NDC80: variants seen among roughly 807,000 people sequenced by gnomAD.
NDC80 encodes the protein NDC80 kinetochore complex component.
In NDC80, 69 loss-of-function variants were observed where a neutral mutation model predicts 89.3. The observed-to-expected ratio is 0.77, with a 90% CI of 0.64 to 0.94. The LOEUF (loss-of-function observed/expected upper bound fraction) is 0.94. Ranked by LOEUF, NDC80 falls within the 40% of genes least tolerant of loss-of-function variation. The probability of loss-of-function intolerance (pLI) is 0.00; values close to 1 mark genes in which losing one functional copy is unlikely to be tolerated. For missense variants in NDC80, 593 were observed against 739.6 expected (o/e 0.80, Z 2.30); for synonymous variants, 243 against 255.6 (o/e 0.95, Z 0.47).
At chr18:2,588,061 T>C (rs1389452491) in intron 8 of NDC80, 138 bp downstream of exon 8, 2 of 629,968 alleles carry the variant, frequency 3.2e-6, no homozygotes, top group Admixed American at 5.5e-5. Context: ...TTTTTATCTT[T>C]GTGGTTTCTT....
At position 2,585,344 on chromosome 18, in the gene NDC80, T is replaced by C. The variant is rs999894599; in HGVS notation, c.669+142T>C. On this transcript the variant is annotated intron_variant, in intron 7 of 16. Transcript: ENST00000261597. The stretch of plus-strand genomic sequence containing the variant: ...GAAAATATCATGTCAAAAATGCATT[T>C]AATACACTTAACCTGCCAAACGTCA... The C allele has an allele frequency of 2.0e-5, 13 of 637,468 alleles. No homozygotes were observed. In the African/African-American group the frequency reaches 2.2e-4, roughly 11 times the overall value. The allele number at this position is 637,468 out of a possible 1,614,324, so 39.5% of individuals were successfully genotyped here.
In NDC80 at chr18:2,585,195, A is replaced by G. The variant is rs570066030; in HGVS notation, c.662A>G (p.His221Arg). 2.7e-5 allele frequency: 43 copies of G among 1,606,236 alleles called. 1 individual carries two copies. The South Asian group carries it at 4.2e-4, about 16-fold the overall frequency. Residue 221 changes from histidine to arginine, a missense_variant, in exon 7 of 17, where the codon CAT becomes CGT. His to Arg is a conservative substitution (Grantham distance 29). Coordinates refer to ENST00000261597, the MANE Select transcript of NDC80 (RefSeq NM_006101.3). ...GAAGAAACTGAAGATGGAATTATGC[A>G]TAATAAGGTACCATGTATTATCATA... ...WGEETEDGIM[H>R]NKLFLDYTIK...
At chr18:2,575,898 T>A (rs1426005944) in intron 3 of NDC80, among the ~76,000 whole-genome samples, 2 of 152,172 alleles carry the variant, frequency 1.3e-5, no homozygotes, top group African/African-American at 4.8e-5. Context: ...GAACTCCACC[T>A]TGGGTGACAG....
At chr18:2,606,106 ATTAT>A (rs1354991533) in intron 13 of NDC80, among the ~76,000 whole-genome samples, 3 of 151,404 alleles carry the variant, frequency 2.0e-5, no homozygotes, top group Non-Finnish European at 4.4e-5. Flanking sequence ...AGAGGCAAAA[ATTAT>A]TTATATATGA....
At chr18:2,578,676 G>A (rs1325897491) in intron 5 of NDC80, among the ~76,000 whole-genome samples, 6 of 152,166 alleles carry the variant, frequency 3.9e-5, no homozygotes, top group Non-Finnish European at 5.9e-5. Flanking sequence ...AAGATGTTTT[G>A]GGAGAGTAGT....
chr18:2,575,769 A>G (rs1305824114), intron 3 of NDC80, among the ~76,000 whole-genome samples: 1 of 152,168 alleles, frequency 6.6e-6, no homozygotes, highest in Non-Finnish European at 1.5e-5. Context: ...TACAAAAAAT[A>G]CAATGATTAG....
In NDC80 at chr18:2,614,583, A is replaced by G. The variant is rs1360801110; in HGVS notation, c.1792-1854A>G. The G allele has an allele frequency of 2.6e-3, 41 of 15,774 alleles. 17 individuals carry two copies. Among genetic ancestry groups the G allele is most frequent in the African/African-American group, 0.018 (37 of 2,036 alleles). 1.0% of individuals were successfully genotyped at this position (15,774 alleles called of 1,614,324 possible). A position where few individuals can be genotyped will look rare whatever the true frequency, so the allele number is the denominator to read the frequency against. On this transcript the variant is annotated intron_variant, in intron 16 of 16. Transcript: ENST00000261597. ...AGGAAGGGAAAGAAAGAAAGAAAGAAAGAAAGAAAGAAAGAAAGAAAGAAA... is the reference window on the plus strand; with the variant it reads ...AGGAAGGGAAAGAAAGAAAGAAAGAGAGAAAGAAAGAAAGAAAGAAAGAAA...
chr18:2,578,967 G>A lies in NDC80; in HGVS notation c.517G>A (p.Gly173Arg). Residue 173 changes from glycine to arginine, a missense_variant, in exon 6 of 17, where the codon GGG (glycine) becomes AGG (arginine). By Grantham distance (125) the Gly-to-Arg change is moderately radical (BLOSUM62 -2). Transcript: ENST00000261597. ...ALSKSSMYTVGAPHTWPHIVA... is the reference protein window; with the variant it reads ...ALSKSSMYTVRAPHTWPHIVA... The stretch of plus-strand genomic sequence containing the variant: ...ATCCAAAAGCTCCATGTACACAGTG[G>A]GGGCTCCTCATACATGGCCTCACAT... 6.4e-7 allele frequency: 1 copy of A among 1,570,822 alleles called. No homozygotes were observed. The highest frequency in any genetic ancestry group is 8.6e-7 in the Non-Finnish European group (1 of 1,158,860).
rs760329283 is a variant in NDC80 at position 2,572,958 on chromosome 18, A to G, written c.-9-19A>G. The stretch of plus-strand genomic sequence containing the variant: ...TCTGTCTGGAAAGTTTTTTTTAAAT[A>G]CTGAATTCGTGAATGTAGGTCATAA... On this transcript the variant is annotated intron_variant, in intron 1 of 16. Transcript: ENST00000261597. 2 of 1,595,416 alleles carry G rather than the reference A, an allele frequency of 1.3e-6. No homozygotes were observed. Among genetic ancestry groups the G allele is most frequent in the Non-Finnish European group, 1.7e-6 (2 of 1,171,046 alleles).
chr18:2,593,829 A>G, intron 10 of NDC80: 1 of 296,632 alleles, frequency 3.4e-6, no homozygotes, highest in Non-Finnish European at 6.7e-6. Flanking sequence ...GTCATTTATA[A>G]TTTCTGTTTG....
intron 14 of NDC80, 56 bp downstream of exon 14, chr18:2,606,563 G>T: frequency 9.0e-7 from 1 of 1,111,354 alleles, no homozygotes; most frequent in Non-Finnish European, 1.3e-6. Flanking sequence ...ATGATTGCTT[G>T]ATGAGTCACA....
chr18:2,596,126 A>G (rs865933961), intron 11 of NDC80, among the ~76,000 whole-genome samples: 2 of 152,168 alleles, frequency 1.3e-5, no homozygotes, highest in Non-Finnish European at 2.9e-5. Context: ...ACCTAGCCCA[A>G]ATTTAGTGTA....
At chr18:2,575,155 T>G in intron 3 of NDC80, 89 bp downstream of exon 3, 4 of 916,304 alleles carry the variant, frequency 4.4e-6, no homozygotes, top group Middle Eastern at 2.2e-4. Flanking sequence ...GATGACATGG[T>G]TCCTTTCGAG....
At chr18:2,573,648 T>C (rs2072531455) in intron 2 of NDC80, among the ~76,000 whole-genome samples, 1 of 152,228 alleles carries the variant, frequency 6.6e-6, no homozygotes, top group African/African-American at 2.4e-5. Flanking sequence ...ATTGTAGAGC[T>C]GTATAATTCT....
intron 16 of NDC80, among the ~76,000 whole-genome samples, chr18:2,611,644 C>G (rs1441779424): frequency 1.3e-5 from 2 of 152,082 alleles, no homozygotes; most frequent in Non-Finnish European, 2.9e-5. Context: ...CTAAAGTTCA[C>G]CAATAAAACT....
chr18:2,577,843 C>G lies in NDC80; in HGVS notation c.277C>G (p.Gln93Glu). The stretch of plus-strand genomic sequence containing the variant: ...ACCACTTAATGACAAAGCATTCATT[C>G]AGCAGTGTATTCGACAACTCTGTGA... ...PRPLNDKAFIQQCIRQLCEFL... is the reference protein window; with the variant it reads ...PRPLNDKAFIEQCIRQLCEFL... Residue 93 changes from glutamine to glutamate, a missense_variant, in exon 4 of 17, where the codon CAG becomes GAG. By Grantham distance (29) the Gln-to-Glu change is conservative. Coordinates refer to ENST00000261597, the MANE Select transcript of NDC80 (RefSeq NM_006101.3). 3 of 1,614,064 alleles carry G rather than the reference C, an allele frequency of 1.9e-6. No homozygotes were observed. Among genetic ancestry groups the G allele is most frequent in the Non-Finnish European group, 2.5e-6 (3 of 1,179,974 alleles).
chr18:2,585,065 G>C lies in NDC80; in HGVS notation c.580-48G>C, dbSNP rs1306590190. 8 of 1,458,424 alleles carry C rather than the reference G, an allele frequency of 5.5e-6. No homozygotes were observed. The African/African-American group carries it at 7.0e-5, about 13-fold the overall frequency. The allele number at this position is 1,458,424 out of a possible 1,614,324, so 90.3% of individuals were successfully genotyped here. ...AAACAGAATTTGCCAAAAAATGAAA[G>C]TTGTGTTTTTCAGATCAACTTGCTT... is the stretch of plus-strand genomic sequence containing the variant. On this transcript the variant is annotated intron_variant, in intron 6 of 16. Coordinates refer to ENST00000261597, the MANE Select transcript of NDC80 (RefSeq NM_006101.3).
At chr18:2,572,839 A>C (rs997661410) in intron 1 of NDC80, 138 bp from the exon 2 acceptor site, 1 of 636,576 alleles carries the variant, frequency 1.6e-6, no homozygotes, top group Admixed American at 3.0e-5. Flanking sequence ...TGAACAAAAA[A>C]GAGATACCCC....
intron 10 of NDC80, 144 bp downstream of exon 10, chr18:2,590,306 T>C: frequency 1.2e-6 from 1 of 807,654 alleles, no homozygotes; most frequent in South Asian, 2.6e-5. Context: ...TGTTTCGTAT[T>C]TGTTTCCTAA....
Sources: gnomAD v4.1 joint callset for allele counts (sites outside exome capture counted in the v4.1 genomes callset) on GRCh38, gnomAD v4.1.1 for gene constraint, MANE v1.5 for transcripts, NCBI Gene and HGNC (gene_info 2026-07-23, HGNC 2026-07-21) for gene names.